PHLDB2: variants seen among roughly 807,000 people sequenced by gnomAD.
PHLDB2 encodes pleckstrin homology-like domain family B member 2.
A neutral mutation model predicts 123.6 loss-of-function variants in PHLDB2; 71 were observed. The observed-to-expected ratio is 0.57, with a 90% CI of 0.47 to 0.70. The LOEUF (loss-of-function observed/expected upper bound fraction) is 0.70, where lower values mean the gene tolerates loss of function less well. Ranked by LOEUF, PHLDB2 falls within the 30% of genes least tolerant of loss-of-function variation. PHLDB2 has a pLI of 0.00. For synonymous variants in PHLDB2, 547 were observed against 541.6 expected (o/e 1.01, Z -0.14); for missense variants, 1,446 against 1,519.5 (o/e 0.95, Z 0.80).
chr3:111,857,491 G>C (rs1576906210), upstream of PHLDB2, among the ~76,000 whole-genome samples: 1 of 148,332 alleles, frequency 6.7e-6, no homozygotes, highest in Non-Finnish European at 1.5e-5. Context: ...AAAATTCCAA[G>C]GTAATGGAAA....
intron 2 of PHLDB2, among the ~76,000 whole-genome samples, chr3:111,849,426 C>T (rs911595079): frequency 6.6e-6 from 1 of 152,186 alleles, no homozygotes; most frequent in African/African-American, 2.4e-5. Context: ...CCACCTTGGC[C>T]TCCCAAAGCG....
At chr3:111,880,127 G>A (rs1229864619) in intron 1 of PHLDB2, among the ~76,000 whole-genome samples, 1 of 151,562 alleles carries the variant, frequency 6.6e-6, no homozygotes, top group Non-Finnish European at 1.5e-5. Context: ...TAGGCTCCAT[G>A]GCTTTCATGG....
intron 1 of PHLDB2, among the ~76,000 whole-genome samples, chr3:111,771,176 C>G (rs2060170511): frequency 6.6e-6 from 1 of 152,186 alleles, no homozygotes; most frequent in South Asian, 2.1e-4. Flanking sequence ...TTACAAAGTA[C>G]CACAAATGGG....
chr3:111,973,019 T>C (rs1339437093), intron 16 of PHLDB2, among the ~76,000 whole-genome samples: 1 of 152,232 alleles, frequency 6.6e-6, no homozygotes, highest in Non-Finnish European at 1.5e-5. Flanking sequence ...TAAAATTCTT[T>C]AATATGCTGA....
intron 1 of PHLDB2, among the ~76,000 whole-genome samples, chr3:111,811,603 C>T (rs2061838720): frequency 6.6e-6 from 1 of 152,058 alleles, no homozygotes; most frequent in South Asian, 2.1e-4. Context: ...TTTACTGGCA[C>T]CCTATTGATT....
intron 1 of PHLDB2, among the ~76,000 whole-genome samples, chr3:111,753,610 T>A (rs1293906143): frequency 6.6e-6 from 1 of 152,224 alleles, no homozygotes; most frequent in East Asian, 1.9e-4. Flanking sequence ...GCCTGTTCAC[T>A]CTGATGGTAG....
At chr3:111,853,340 A>G (rs578246335) in intron 2 of PHLDB2, among the ~76,000 whole-genome samples, 1 of 152,148 alleles carries the variant, frequency 6.6e-6, no homozygotes, top group African/African-American at 2.4e-5. Flanking sequence ...GATGAAGATG[A>G]CTTTTCTAAG....
At chr3:111,821,343 A>G (rs2062369560) in intron 1 of PHLDB2, among the ~76,000 whole-genome samples, 1 of 152,198 alleles carries the variant, frequency 6.6e-6, no homozygotes, top group South Asian at 2.1e-4. Flanking sequence ...GAGAAACACA[A>G]CCAATGGATG....
upstream of PHLDB2, among the ~76,000 whole-genome samples, chr3:111,855,692 A>G (rs1243019261): frequency 7.7e-6 from 1 of 129,104 alleles, no homozygotes; most frequent in Non-Finnish European, 1.5e-5. Flanking sequence ...GCTGGAGTGC[A>G]ATGGTGCGAT....
In PHLDB2 at chr3:111,948,979, G is replaced by T; in HGVS notation, c.2535G>T (p.Thr845=). The T allele has an allele frequency of 2.5e-6, 4 of 1,613,950 alleles. No homozygotes were observed. Among genetic ancestry groups the T allele is most frequent in the Non-Finnish European group, 2.5e-6 (3 of 1,179,922 alleles). Residue 845 remains threonine, a synonymous_variant, in exon 10 of 18, where the codon ACG becomes ACT. Transcript: ENST00000431670. The part of the protein sequence containing the change: ...NEINEPCGNS[T]NLSPSTQFPA... Reference sequence around the variant, plus strand: ...TTAATGAGCCGTGTGGCAATTCCACGAATCTATCCCCTTCCACTCAGTTTC... The same window carrying T: ...TTAATGAGCCGTGTGGCAATTCCACTAATCTATCCCCTTCCACTCAGTTTC...
chr3:111,964,883 T>C (rs774864), intron 13 of PHLDB2, among the ~76,000 whole-genome samples: 151,528 of 152,282 alleles, frequency 1, 75,397 homozygotes, highest in Middle Eastern at 1. Flanking sequence ...GACTAACTGG[T>C]GAGTTTTCAA....
At chr3:111,822,336 G>A (rs1295838459) in intron 1 of PHLDB2, among the ~76,000 whole-genome samples, 1 of 127,078 alleles carries the variant, frequency 7.9e-6, no homozygotes, top group Non-Finnish European at 1.6e-5. Flanking sequence ...TATATATAAT[G>A]GTACACTGAA....
intron 1 of PHLDB2, among the ~76,000 whole-genome samples, chr3:111,756,700 G>A (rs1198158096): frequency 1.3e-5 from 2 of 152,120 alleles, no homozygotes; most frequent in African/African-American, 4.8e-5. Context: ...TATGATGTTA[G>A]CTGGTTATTT....
At chr3:111,903,432 C>T (rs1310741565) in intron 2 of PHLDB2, among the ~76,000 whole-genome samples, 1 of 152,106 alleles carries the variant, frequency 6.6e-6, no homozygotes, top group African/African-American at 2.4e-5. Flanking sequence ...GCTCTGTTGC[C>T]AGGGGCAGAG....
intron 1 of PHLDB2, among the ~76,000 whole-genome samples, chr3:111,864,317 ATATT>A (rs2064967840): frequency 1.3e-5 from 2 of 152,216 alleles, no homozygotes; most frequent in Non-Finnish European, 2.9e-5. Context: ...TTGGCTAGAA[ATATT>A]TATTGGGATT....
At chr3:111,927,739 A>G (rs1339168494) in intron 5 of PHLDB2, among the ~76,000 whole-genome samples, 1 of 152,190 alleles carries the variant, frequency 6.6e-6, no homozygotes, top group Non-Finnish European at 1.5e-5. Flanking sequence ...CTTCTGTTTT[A>G]TCTGGCAGCC....
At chr3:111,851,569 A>G (rs2064257316) in intron 2 of PHLDB2, among the ~76,000 whole-genome samples, 1 of 152,138 alleles carries the variant, frequency 6.6e-6, no homozygotes, top group Non-Finnish European at 1.5e-5. Flanking sequence ...CACCTTGTTT[A>G]ATACAGGAAG....
At chr3:111,890,090 A>G (rs2066391435) in intron 2 of PHLDB2, among the ~76,000 whole-genome samples, 1 of 152,194 alleles carries the variant, frequency 6.6e-6, no homozygotes, top group South Asian at 2.1e-4. Flanking sequence ...AATTATAAAC[A>G]ACAACAACAA....
chr3:111,835,719 T>C (rs1345417673), intron 1 of PHLDB2, among the ~76,000 whole-genome samples: 1 of 152,108 alleles, frequency 6.6e-6, no homozygotes, highest in Non-Finnish European at 1.5e-5. Flanking sequence ...GAAATCTTAC[T>C]CACTTGTCTG....
Sources: allele counts gnomAD v4.1 joint callset (sites outside exome capture counted in the v4.1 genomes callset), GRCh38; gene constraint gnomAD v4.1.1; transcripts MANE v1.5; gene names NCBI Gene and HGNC (gene_info 2026-07-23, HGNC 2026-07-21).